ZRSR2: variants seen among roughly 807,000 people sequenced by gnomAD.
ZRSR2 encodes zinc finger CCCH-type, RNA binding motif and serine/arginine rich 2, also known as U2 small nuclear ribonucleoprotein auxiliary factor 35 kDa subunit-related protein 2.
A neutral mutation model predicts 39.4 loss-of-function variants in ZRSR2; 3 were observed. That is an observed-to-expected ratio of 0.08 (90% CI 0.03 to 0.20). The LOEUF (loss-of-function observed/expected upper bound fraction) is 0.20, where lower values mean the gene tolerates loss of function less well. ZRSR2 is among the 10% of genes least tolerant of loss of function. The pLI is 1.00. For missense variants in ZRSR2, 256 were observed against 391.5 expected, an observed-to-expected ratio of 0.65 and a Z score of 2.92; for synonymous variants, 137 against 136.0, an observed-to-expected ratio of 1.01 and a Z score of -0.05.
At chrX:15,796,336 C>T (rs1293412228) in intron 2 of ZRSR2, among the ~76,000 whole-genome samples, 8 of 112,321 alleles carry the variant, frequency 7.1e-5, no homozygotes, top group Non-Finnish European at 3.8e-5. Context: ...TACTGCCATA[C>T]ACAATTTACT....
intron 2 of ZRSR2, among the ~76,000 whole-genome samples, chrX:15,793,765 T>C (rs763039086): frequency 8.9e-6 from 1 of 112,413 alleles, no homozygotes; most frequent in South Asian, 3.6e-4. Flanking sequence ...CTCAAACTCC[T>C]GATCTCAGGT....
At chrX:15,817,770 C>T (rs1185237498) in intron 8 of ZRSR2, among the ~76,000 whole-genome samples, 2 of 110,909 alleles carry the variant, frequency 1.8e-5, no homozygotes, top group South Asian at 3.9e-4. Context: ...ATGCTGACTG[C>T]GGTACTGTTT....
At chrX:15,811,912 T>A (rs983662868) in intron 7 of ZRSR2, among the ~76,000 whole-genome samples, 72 of 111,886 alleles carry the variant, frequency 6.4e-4, no homozygotes, top group Non-Finnish European at 9.0e-4. Context: ...GCATTTCTTT[T>A]TTTTATTTTA....
intron 5 of ZRSR2, among the ~76,000 whole-genome samples, chrX:15,805,198 G>A (rs1262592508): frequency 8.9e-6 from 1 of 112,243 alleles, no homozygotes; most frequent in African/African-American, 3.2e-5. Flanking sequence ...GTTAATTTCA[G>A]TGCAGATTTT....
At chrX:15,791,890 G>C (rs1932293388) in intron 2 of ZRSR2, among the ~76,000 whole-genome samples, 1 of 110,609 alleles carries the variant, frequency 9.0e-6, no homozygotes, top group African/African-American at 3.3e-5. Flanking sequence ...TCGAACTTCT[G>C]ACCTCAGGTG....
At chrX:15,812,954 G>T (rs1275801159) in intron 7 of ZRSR2, among the ~76,000 whole-genome samples, 1 of 112,051 alleles carries the variant, frequency 8.9e-6, no homozygotes, top group Non-Finnish European at 1.9e-5. Context: ...ATAGGAAGGT[G>T]GACAATAACT....
chrX:15,798,858 G>C (rs1932567356), intron 2 of ZRSR2, among the ~76,000 whole-genome samples: 1 of 111,511 alleles, frequency 9.0e-6, no homozygotes, highest in Non-Finnish European at 1.9e-5. Flanking sequence ...ACATCAGGTT[G>C]TTGCACTCCC....
At chrX:15,807,664 G>A (rs1165707367) in intron 5 of ZRSR2, among the ~76,000 whole-genome samples, 1 of 111,148 alleles carries the variant, frequency 9.0e-6, no homozygotes, top group Non-Finnish European at 1.9e-5. Flanking sequence ...AATATACTAA[G>A]TATTACTATT....
At chrX:15,803,577 C>T (rs1332694778) in intron 3 of ZRSR2, 111 bp from the exon 4 acceptor site, 1 of 986,726 alleles carries the variant, frequency 1.0e-6, no homozygotes, top group African/African-American at 2.0e-5. Context: ...TAGAAAATAG[C>T]TTTCGTGATA....
intron 3 of ZRSR2, among the ~76,000 whole-genome samples, chrX:15,800,366 T>C (rs1441900013): frequency 9.2e-6 from 1 of 109,150 alleles, no homozygotes; most frequent in Admixed American, 9.9e-5. Context: ...TTTGTATTTT[T>C]AGTAGAGACA....
At chrX:15,813,409 G>A (rs893341301) in intron 7 of ZRSR2, among the ~76,000 whole-genome samples, 3 of 112,245 alleles carry the variant, frequency 2.7e-5, no homozygotes, top group African/African-American at 9.7e-5. Context: ...GTTCTTTCCA[G>A]GTAATTCTGA....
At chrX:15,805,854 C>T (rs1335481113) in intron 5 of ZRSR2, among the ~76,000 whole-genome samples, 2 of 105,481 alleles carry the variant, frequency 1.9e-5, no homozygotes, top group African/African-American at 3.5e-5. Context: ...TCACTTGAAC[C>T]GGGAGGCAGA....
intron 5 of ZRSR2, 170 bp downstream of exon 5, chrX:15,804,367 C>T (rs1172900336): frequency 2.4e-5 from 11 of 460,605 alleles, no homozygotes; most frequent in South Asian, 1.1e-4. Context: ...TGCTCTTCTT[C>T]GGGTCCGTGC....
chrX:15,799,675 G>A (rs746458608), intron 2 of ZRSR2, among the ~76,000 whole-genome samples, 197 bp from the exon 3 acceptor site: 1 of 111,063 alleles, frequency 9.0e-6, no homozygotes, highest in Admixed American at 9.6e-5. Flanking sequence ...AATGTAATGT[G>A]CTATCTGCCA....
intron 2 of ZRSR2, among the ~76,000 whole-genome samples, chrX:15,799,259 A>G (rs909835348): frequency 3.7e-5 from 4 of 108,912 alleles, no homozygotes; most frequent in Admixed American, 2.0e-4. Flanking sequence ...ATTAGTCCTC[A>G]TGTCTGGGGT....
intron 7 of ZRSR2, among the ~76,000 whole-genome samples, chrX:15,812,025 G>A (rs1347011787): frequency 1.8e-5 from 2 of 111,275 alleles, no homozygotes; most frequent in Admixed American, 9.5e-5. Flanking sequence ...CGCCTCCTGG[G>A]TTCGCGCCAT....
intron 7 of ZRSR2, among the ~76,000 whole-genome samples, chrX:15,812,601 G>A (rs1162332484): frequency 9.0e-6 from 1 of 111,596 alleles, no homozygotes; most frequent in Non-Finnish European, 1.9e-5. Context: ...AGCTTTGAGG[G>A]GAATCTATTT....
chrX:15,790,953 G>T lies in ZRSR2; in HGVS notation c.61G>T (p.Ala21Ser). 8.3e-7 allele frequency: 1 copy of T among 1,210,897 alleles called. No individual in the cohort carries two copies. Among genetic ancestry groups the T allele is most frequent in the Non-Finnish European group, 1.1e-6 (1 of 894,951 alleles). ...EKPSHKKYRA[A>S]LKKEKRKKRR... ...TTCCAGCCACAAAAAGTACAGGGCC[G>T]CCCTGAAGAAGGAGAAACGAAAGAA... Residue 21 changes from alanine to serine, a missense_variant, in exon 2 of 11, where the codon GCC becomes TCC. Physicochemically the swap from Ala to Ser is moderately conservative, Grantham distance 99 (BLOSUM62 1). Transcript: ENST00000307771.
At chrX:15,812,463 C>T (rs1192848330) in intron 7 of ZRSR2, among the ~76,000 whole-genome samples, 1 of 111,884 alleles carries the variant, frequency 8.9e-6, no homozygotes, top group African/African-American at 3.3e-5. Context: ...TCTGTTCTGT[C>T]GTTAAGTTTT....
Sources: allele counts gnomAD v4.1 joint callset (sites outside exome capture counted in the v4.1 genomes callset), GRCh38; gene constraint gnomAD v4.1.1; transcripts MANE v1.5; gene names NCBI Gene and HGNC (gene_info 2026-07-23, HGNC 2026-07-21).